Variants in GPR173 observed in about 807,000 individuals in gnomAD.
GPR173 encodes the protein G protein-coupled receptor 173.
In GPR173, 2 loss-of-function variants were observed where a neutral mutation model predicts 13.9. The ratio of observed to expected loss-of-function variants is 0.14; its 90% CI spans 0.06 to 0.45. GPR173 has a LOEUF of 0.45. GPR173 is among the 20% of genes least tolerant of loss of function. The pLI is 0.98. For synonymous variants in GPR173, 131 were observed against 141.0 expected (o/e 0.93, Z 0.50); for missense variants, 202 against 340.5 (o/e 0.59, Z 3.20).
At chrX:53,049,727 G>A (rs1267979452) in intron 1 of GPR173, among the ~76,000 whole-genome samples, 1 of 112,023 alleles carries the variant, frequency 8.9e-6, no homozygotes, top group Non-Finnish European at 1.9e-5. Flanking sequence ...TCCCCTCACA[G>A]GGTCTGTTTT....
chrX:53,053,930 G>A (rs1226963734), intron 1 of GPR173, among the ~76,000 whole-genome samples: 1 of 111,815 alleles, frequency 8.9e-6, no homozygotes, highest in Non-Finnish European at 1.9e-5. Context: ...TGTCCTACTG[G>A]GGAAAAGAGG....
At chrX:53,066,349 G>A (rs1009902401) in intron 1 of GPR173, among the ~76,000 whole-genome samples, 7 of 111,334 alleles carry the variant, frequency 6.3e-5, no homozygotes, top group African/African-American at 9.8e-5. Flanking sequence ...TAGTCTTCAC[G>A]CTATTCTTTA....
intron 1 of GPR173, among the ~76,000 whole-genome samples, chrX:53,069,815 G>A (rs1393228948): frequency 8.9e-6 from 1 of 111,757 alleles, no homozygotes; most frequent in Admixed American, 9.6e-5. Flanking sequence ...ATGGGTGTGT[G>A]TGTGTACATA....
At chrX:53,062,572 CTTTTTTTTTTTT>C (rs1165015535) in intron 1 of GPR173, among the ~76,000 whole-genome samples, 1 of 41,012 alleles carries the variant, frequency 2.4e-5, no homozygotes, top group Non-Finnish European at 4.1e-5. Context: ...TTGTCTTCTT[CTTTTTTTTTTTT>C]TTTTTTTTTT....
At position 53,078,856 on chromosome X, in the gene GPR173, C is replaced by T. The variant is rs998880872; in HGVS notation, c.*1113C>T. On this transcript the variant is annotated 3_prime_UTR_variant, in exon 2 of 2. Coordinates refer to ENST00000332582, the MANE Select transcript of GPR173 (RefSeq NM_018969.6). Reference sequence around the variant, plus strand: ...AGGCACTGTGGACTTGAGTCCATTCCTATCTGACCTCTTTTTGTCCCCCTC... The same window carrying T: ...AGGCACTGTGGACTTGAGTCCATTCTTATCTGACCTCTTTTTGTCCCCCTC... 5.7e-5 allele frequency: 7 copies of T among 123,353 alleles called. No individual in the cohort carries two copies. Among genetic ancestry groups the T allele is most frequent in the African/African-American group, 1.9e-4 (6 of 30,830 alleles). 10.2% of individuals were successfully genotyped at this position (123,353 alleles called of 1,213,427 possible).
intron 1 of GPR173, among the ~76,000 whole-genome samples, chrX:53,051,751 G>A (rs1556802710): frequency 9.0e-6 from 1 of 111,558 alleles, no homozygotes; most frequent in African/African-American, 3.3e-5. Flanking sequence ...CTGGTTGTAT[G>A]TGTATGAGTG....
At chrX:53,073,431 G>A (rs1311105124) in intron 1 of GPR173, among the ~76,000 whole-genome samples, 1 of 110,054 alleles carries the variant, frequency 9.1e-6, no homozygotes, top group Non-Finnish European at 1.9e-5. Context: ...TTCCCTCTGG[G>A]ACCTGTGCTG....
intron 1 of GPR173, among the ~76,000 whole-genome samples, chrX:53,074,430 AGATTTATATATATTTATT>A (rs1932382223): frequency 6.8e-5 from 2 of 29,521 alleles, no homozygotes; most frequent in Admixed American, 6.7e-4. Context: ...ATAACTATAT[AGATTTATATATATTTATT>A]TATAAATAAC....
chrX:53,077,080 C>T lies in GPR173; in HGVS notation c.459C>T (p.Ala153=). ...VICMAWTLSV[A]MAFPPVFDVG... is the part of the protein sequence containing the mutation. ...GCATGGCCTGGACCCTGTCTGTGGC[C>T]ATGGCCTTCCCACCTGTCTTTGACG... is the stretch of plus-strand genomic sequence containing the variant. The change falls in exon 2 of 2, where the codon GCC becomes GCT. Residue 153 remains alanine (A), a synonymous_variant. Coordinates refer to ENST00000332582, the MANE Select transcript of GPR173 (RefSeq NM_018969.6). 1.7e-6 allele frequency: 2 copies of T among 1,209,577 alleles called. No individual in the cohort carries two copies. Among genetic ancestry groups the T allele is most frequent in the Non-Finnish European group, 2.2e-6 (2 of 893,731 alleles).
chrX:53,051,530 G>A lies in GPR173; in HGVS notation c.-98+2046G>A, dbSNP rs192882930. Among the ~76,000 whole-genome samples, 1,011 of 110,375 alleles carry A rather than the reference G, an allele frequency of 9.2e-3. 15 individuals are homozygous for A. Among genetic ancestry groups the A allele is most frequent in the African/African-American group, 0.031 (947 of 30,248 alleles). ...ATGAACCTGTGTGTGTAAGCAGGCCGTGTGATGGCATGTGTGTGAGTGTGT... is the reference window on the plus strand; with the variant it reads ...ATGAACCTGTGTGTGTAAGCAGGCCATGTGATGGCATGTGTGTGAGTGTGT... On this transcript the variant is annotated intron_variant, in intron 1 of 1. Coordinates refer to ENST00000332582, the MANE Select transcript of GPR173 (RefSeq NM_018969.6).
At chrX:53,053,939 G>A (rs1325170046) in intron 1 of GPR173, among the ~76,000 whole-genome samples, 1 of 111,745 alleles carries the variant, frequency 8.9e-6, no homozygotes. Context: ...GGGGAAAAGA[G>A]GCCTATTTAG....
intron 1 of GPR173, among the ~76,000 whole-genome samples, chrX:53,073,251 G>T (rs1932289456): frequency 9.2e-6 from 1 of 108,803 alleles, no homozygotes; most frequent in Non-Finnish European, 1.9e-5. Context: ...CGGGCACCAG[G>T]TGGCTGTGGC....
intron 1 of GPR173, among the ~76,000 whole-genome samples, chrX:53,073,307 T>C (rs1262780396): frequency 9.1e-6 from 1 of 109,335 alleles, no homozygotes; most frequent in Non-Finnish European, 1.9e-5. Flanking sequence ...GGGGAGACTT[T>C]TCCTGGGAGG....
intron 1 of GPR173, among the ~76,000 whole-genome samples, chrX:53,065,915 C>T (rs782090658): frequency 4.6e-5 from 5 of 109,756 alleles, no homozygotes; most frequent in Non-Finnish European, 9.5e-5. Context: ...ACCTGGGCAA[C>T]GTGACGAAAC....
chrX:53,069,848 T>C (rs1397104366), intron 1 of GPR173, among the ~76,000 whole-genome samples: 3 of 111,615 alleles, frequency 2.7e-5, no homozygotes, highest in East Asian at 5.6e-4. Flanking sequence ...CATATTTGTG[T>C]TGGTGAGCAC....
At chrX:53,071,717 T>C (rs782569315) in intron 1 of GPR173, among the ~76,000 whole-genome samples, 30 of 112,168 alleles carry the variant, frequency 2.7e-4, no homozygotes, top group African/African-American at 8.1e-4. Flanking sequence ...TAGAGGGCAG[T>C]AACGCCTTTG....
chrX:53,074,277 T>C (rs1446550008), intron 1 of GPR173, among the ~76,000 whole-genome samples: 2 of 75,996 alleles, frequency 2.6e-5, no homozygotes, highest in Non-Finnish European at 4.4e-5. Context: ...TATATAAATA[T>C]ACATTTACAT....
rs782112427 is a variant in GPR173 at position 53,074,204 on chromosome X, A to G, written c.-97-2321A>G. 3.2e-3 allele frequency among the ~76,000 whole-genome samples: 68 copies of G among 21,366 alleles called. 4 individuals are homozygous for G. Among genetic ancestry groups the G allele is most frequent in the Non-Finnish European group, 8.2e-3 (53 of 6,439 alleles). 18.6% of individuals were successfully genotyped at this position (21,366 alleles called of 115,157 possible). A position where few individuals can be genotyped will look rare whatever the true frequency, so the allele number is the denominator to read the frequency against. On this transcript the variant is annotated intron_variant, in intron 1 of 1. Coordinates refer to ENST00000332582, the MANE Select transcript of GPR173 (RefSeq NM_018969.6). ...TATATTTATTCATATAGAAATATAT[A>G]TAAATATACATTTATATTTATTCAT...
At chrX:53,057,905 C>T (rs1421338414) in intron 1 of GPR173, among the ~76,000 whole-genome samples, 1 of 112,585 alleles carries the variant, frequency 8.9e-6, no homozygotes, top group East Asian at 2.8e-4. Context: ...ATTAGCCATG[C>T]CAGTGTGTAA....
Sources: allele counts gnomAD v4.1 joint callset (sites outside exome capture counted in the v4.1 genomes callset), GRCh38; gene constraint gnomAD v4.1.1; transcripts MANE v1.5; gene names NCBI Gene and HGNC (gene_info 2026-07-23, HGNC 2026-07-21).